Variants in SLC25A13 observed in about 807,000 individuals in gnomAD.
SLC25A13 encodes the protein solute carrier family 25 member 13, also known as electrogenic aspartate/glutamate antiporter SLC25A13, mitochondrial.
SLC25A13 carries 70 observed loss-of-function variants against 85.5 expected under a neutral mutation model. The observed-to-expected ratio is 0.82, with a 90% confidence interval of 0.68 to 1.00. The LOEUF (loss-of-function observed/expected upper bound fraction) is 1.00. SLC25A13 is among the 50% of genes least tolerant of loss of function. The probability of loss-of-function intolerance (pLI) is 0.00; values close to 1 mark genes in which losing one functional copy is unlikely to be tolerated. For missense variants in SLC25A13, 765 were observed against 819.8 expected, an observed-to-expected ratio of 0.93 and a Z score of 0.82; for synonymous variants, 259 against 288.7, an observed-to-expected ratio of 0.90 and a Z score of 1.04.
chr7:96,275,498 A>G (rs1273021493), intron 3 of SLC25A13, among the ~76,000 whole-genome samples: 3 of 152,348 alleles, frequency 2.0e-5, no homozygotes, highest in Middle Eastern at 3.4e-3. Context: ...ATGTCCATCA[A>G]TGATAGACTG....
intron 3 of SLC25A13, among the ~76,000 whole-genome samples, chr7:96,236,291 T>A (rs1161909602): frequency 6.6e-6 from 1 of 152,090 alleles, no homozygotes; most frequent in Non-Finnish European, 1.5e-5. Flanking sequence ...TTTTATCCTC[T>A]ACTAAGGTCT....
At chr7:96,289,894 C>A (rs1157066261) in intron 2 of SLC25A13, among the ~76,000 whole-genome samples, 1 of 152,088 alleles carries the variant, frequency 6.6e-6, no homozygotes, top group Non-Finnish European at 1.5e-5. Context: ...CATTCAAATT[C>A]AGGAAATACA....
chr7:96,289,426 G>T (rs777726314), intron 2 of SLC25A13, among the ~76,000 whole-genome samples: 13 of 152,186 alleles, frequency 8.5e-5, no homozygotes, highest in Non-Finnish European at 1.8e-4. Flanking sequence ...TTCACGAGTT[G>T]AGAGAAGAAG....
At chr7:96,212,905 A>C (rs1584463346) in intron 4 of SLC25A13, among the ~76,000 whole-genome samples, 2 of 152,200 alleles carry the variant, frequency 1.3e-5, no homozygotes. Flanking sequence ...CTCTTGACCT[A>C]CCTAGCAGGA....
intron 5 of SLC25A13, among the ~76,000 whole-genome samples, chr7:96,203,151 T>C (rs1294625837): frequency 6.6e-6 from 1 of 152,204 alleles, no homozygotes; most frequent in Admixed American, 6.5e-5. Context: ...AGACTTCCCA[T>C]TAGTCTTAGG....
At chr7:96,135,722 C>T (rs1348431194) in intron 14 of SLC25A13, among the ~76,000 whole-genome samples, 1 of 152,094 alleles carries the variant, frequency 6.6e-6, no homozygotes, top group Non-Finnish European at 1.5e-5. Flanking sequence ...TCCATGCTGC[C>T]CTAGAGCCTG....
chr7:96,308,352 C>A (rs1799836353), intron 1 of SLC25A13, among the ~76,000 whole-genome samples: 1 of 152,200 alleles, frequency 6.6e-6, no homozygotes, highest in Admixed American at 6.5e-5. Context: ...GCAGCAGATA[C>A]CTGACCCCTG....
intron 11 of SLC25A13, among the ~76,000 whole-genome samples, chr7:96,179,954 CAATGAT>C (rs1012965071): frequency 7.3e-4 from 111 of 152,284 alleles, no homozygotes; most frequent in African/African-American, 2.5e-3. Context: ...ATAGTACCAT[CAATGAT>C]AAGGGACCTG....
intron 14 of SLC25A13, among the ~76,000 whole-genome samples, chr7:96,136,164 A>G (rs900747924): frequency 3.9e-5 from 6 of 152,180 alleles, no homozygotes; most frequent in Non-Finnish European, 8.8e-5. Flanking sequence ...ATTCTATATC[A>G]TGCCAAAGTC....
chr7:96,174,240 G>GC (rs1392795642), intron 11 of SLC25A13, among the ~76,000 whole-genome samples: 7 of 152,118 alleles, frequency 4.6e-5, no homozygotes, highest in African/African-American at 7.2e-5. Flanking sequence ...TTTATCAAAA[G>GC]CCCCCCTAAG....
At chr7:96,239,632 T>C (rs942778582) in intron 3 of SLC25A13, among the ~76,000 whole-genome samples, 2 of 152,098 alleles carry the variant, frequency 1.3e-5, no homozygotes, top group Admixed American at 1.3e-4. Context: ...ACCACACTTA[T>C]CTGCAGGAAC....
At chr7:96,133,234 G>C (rs1041060666) in intron 14 of SLC25A13, among the ~76,000 whole-genome samples, 3 of 152,198 alleles carry the variant, frequency 2.0e-5, no homozygotes, top group Non-Finnish European at 2.9e-5. Flanking sequence ...CAGGTATTCA[G>C]AGAAGCACTC....
At chr7:96,122,629 T>G (rs766505594) in intron 15 of SLC25A13, among the ~76,000 whole-genome samples, 5 of 152,156 alleles carry the variant, frequency 3.3e-5, no homozygotes, top group African/African-American at 4.8e-5. Flanking sequence ...CAGATAACAC[T>G]TTAGGATTTC....
rs185252369 is a variant in SLC25A13, at chr7:96,132,976, G to C, written c.1453-1095C>G. On this transcript the variant is annotated intron_variant, in intron 14 of 17. Transcript: ENST00000265631. ...TTCACTCCTGACTCAAACTGAGCTT[G>C]TGGGTAATAAAACCCTTAGTCTTTT... is the stretch of plus-strand genomic sequence containing the variant. Among the ~76,000 whole-genome samples, 1,178 of 152,280 alleles carry C rather than the reference G, an allele frequency of 7.7e-3. 15 individuals are homozygous for C. Among genetic ancestry groups the C allele is most frequent in the African/African-American group, 0.027 (1,114 of 41,546 alleles).
chr7:96,221,874 C>G (rs1330943454), intron 4 of SLC25A13, among the ~76,000 whole-genome samples: 2 of 152,088 alleles, frequency 1.3e-5, no homozygotes, highest in South Asian at 4.1e-4. Context: ...CAGAAAGGGT[C>G]CCTCCAAACA....
At chr7:96,297,680 T>G (rs1584588281) in intron 1 of SLC25A13, among the ~76,000 whole-genome samples, 1 of 152,124 alleles carries the variant, frequency 6.6e-6, no homozygotes, top group African/African-American at 2.4e-5. Context: ...GGAAATCATA[T>G]TAACTCAAGG....
At chr7:96,134,389 G>A (rs1037521378) in intron 14 of SLC25A13, among the ~76,000 whole-genome samples, 6 of 152,058 alleles carry the variant, frequency 3.9e-5, no homozygotes, top group Non-Finnish European at 5.9e-5. Context: ...GTAACAAAAC[G>A]TAGGAGGAAA....
intron 2 of SLC25A13, chr7:96,283,539 T>C (rs1407479466): frequency 1.1e-5 from 4 of 362,370 alleles, no homozygotes; most frequent in Non-Finnish European, 2.2e-5. Flanking sequence ...ATGGCAAAAG[T>C]AGAGGAGTCT....
intron 3 of SLC25A13, among the ~76,000 whole-genome samples, chr7:96,265,683 T>C (rs1798020753): frequency 6.6e-6 from 1 of 152,200 alleles, no homozygotes; most frequent in African/African-American, 2.4e-5. Context: ...AGATGATGAA[T>C]GTGTAATGAA....
Sources: gnomAD v4.1 joint callset for allele counts (sites outside exome capture counted in the v4.1 genomes callset) on GRCh38, gnomAD v4.1.1 for gene constraint, MANE v1.5 for transcripts, NCBI Gene and HGNC (gene_info 2026-07-23, HGNC 2026-07-21) for gene names.